CDKAL1: variants seen among roughly 807,000 people sequenced by gnomAD.
The protein encoded by CDKAL1 is threonylcarbamoyladenosine tRNA methylthiotransferase.
A neutral mutation model predicts 68.2 loss-of-function variants in CDKAL1; 32 were observed. The observed-to-expected ratio is 0.47, with a 90% CI of 0.35 to 0.63. The LOEUF (loss-of-function observed/expected upper bound fraction) is 0.63. Ranked by LOEUF, CDKAL1 falls within the 30% of genes least tolerant of loss-of-function variation. The pLI is 0.00. For synonymous variants in CDKAL1, 234 were observed against 244.3 expected, an observed-to-expected ratio of 0.96 and a Z score of 0.39; for missense variants, 606 against 696.7, an observed-to-expected ratio of 0.87 and a Z score of 1.47.
chr6:20,854,336 G>T (rs952012988), intron 9 of CDKAL1, among the ~76,000 whole-genome samples: 4 of 152,144 alleles, frequency 2.6e-5, no homozygotes, highest in Non-Finnish European at 5.9e-5. Context: ...CTGTTATGCC[G>T]AAGTCTCTGA....
chr6:20,951,580 A>G (rs1263091201), intron 9 of CDKAL1, among the ~76,000 whole-genome samples: 2 of 152,132 alleles, frequency 1.3e-5, no homozygotes, highest in African/African-American at 4.8e-5. Flanking sequence ...GTAAGATGAT[A>G]ATGGAATCTC....
At chr6:21,040,003 A>C (rs1335001332) in intron 11 of CDKAL1, among the ~76,000 whole-genome samples, 1 of 152,148 alleles carries the variant, frequency 6.6e-6, no homozygotes, top group Non-Finnish European at 1.5e-5. Context: ...ATAAATGCAA[A>C]CTTTATTTTT....
chr6:20,626,183 T>C (rs1767424566), intron 4 of CDKAL1, among the ~76,000 whole-genome samples: 1 of 152,218 alleles, frequency 6.6e-6, no homozygotes, highest in Non-Finnish European at 1.5e-5. Flanking sequence ...TTATAACTTC[T>C]TTTTTTCCAA....
chr6:20,918,398 T>C (rs1472400118), intron 9 of CDKAL1, among the ~76,000 whole-genome samples: 3 of 152,230 alleles, frequency 2.0e-5, no homozygotes, highest in Non-Finnish European at 2.9e-5. Flanking sequence ...AAATGGTTAT[T>C]TTTAAAAAAG....
intron 11 of CDKAL1, among the ~76,000 whole-genome samples, chr6:21,005,871 A>G (rs1767698282): frequency 6.6e-6 from 1 of 152,160 alleles, no homozygotes; most frequent in African/African-American, 2.4e-5. Context: ...GTAAAGGGGA[A>G]TCTTTTGCAG....
intron 11 of CDKAL1, among the ~76,000 whole-genome samples, chr6:21,032,899 G>A (rs1413614263): frequency 6.6e-6 from 1 of 152,118 alleles, no homozygotes; most frequent in Non-Finnish European, 1.5e-5. Flanking sequence ...ATAATTCCTG[G>A]CCCATAGTAG....
intron 4 of CDKAL1, among the ~76,000 whole-genome samples, chr6:20,600,877 G>A (rs1766067054): frequency 6.6e-6 from 1 of 150,674 alleles, no homozygotes; most frequent in Non-Finnish European, 1.5e-5. Flanking sequence ...TGTATTTAAT[G>A]TATTAGATTT....
At chr6:21,038,677 T>G (rs528464901) in intron 11 of CDKAL1, among the ~76,000 whole-genome samples, 118 of 152,252 alleles carry the variant, frequency 7.8e-4, no homozygotes, top group Non-Finnish European at 1.2e-3. Flanking sequence ...TATGAGTTTT[T>G]TTGTGATTTT....
chr6:21,213,103 G>A (rs937172724), intron 15 of CDKAL1, among the ~76,000 whole-genome samples: 2 of 148,034 alleles, frequency 1.4e-5, no homozygotes, highest in Non-Finnish European at 3.0e-5. Flanking sequence ...TAGCCCTTAC[G>A]CACATCAGGT....
At chr6:21,217,604 TCTC>T (rs1286977763) in intron 15 of CDKAL1, among the ~76,000 whole-genome samples, 17 of 151,840 alleles carry the variant, frequency 1.1e-4, no homozygotes, top group African/African-American at 3.6e-4. Context: ...TTCAAGCAAT[TCTC>T]CTGCCTCAGC....
intron 4 of CDKAL1, among the ~76,000 whole-genome samples, chr6:20,598,034 C>T (rs766210025): frequency 3.9e-5 from 6 of 152,198 alleles, no homozygotes; most frequent in Non-Finnish European, 7.3e-5. Flanking sequence ...GTTATTCCCT[C>T]CTCTCTGTCC....
chr6:20,629,942 C>T (rs1316171079), intron 4 of CDKAL1, among the ~76,000 whole-genome samples: 1 of 152,100 alleles, frequency 6.6e-6, no homozygotes, highest in Non-Finnish European at 1.5e-5. Flanking sequence ...CAGCCTCTGC[C>T]TCCTGGATTC....
At chr6:20,849,621 T>A (rs963685030) in intron 9 of CDKAL1, among the ~76,000 whole-genome samples, 3 of 151,530 alleles carry the variant, frequency 2.0e-5, no homozygotes, top group Non-Finnish European at 4.4e-5. Context: ...GAAGAAATAT[T>A]ACTTAAACTA....
intron 5 of CDKAL1, among the ~76,000 whole-genome samples, chr6:20,720,092 GA>G (rs1266210251): frequency 6.6e-6 from 1 of 152,076 alleles, no homozygotes; most frequent in Non-Finnish European, 1.5e-5. Context: ...GTTCTCTGAG[GA>G]TTGGCTTCCT....
intron 4 of CDKAL1, among the ~76,000 whole-genome samples, chr6:20,603,301 T>C (rs190163721): frequency 9.8e-5 from 15 of 152,304 alleles, no homozygotes; most frequent in African/African-American, 7.2e-5. Flanking sequence ...TTTCCCATCA[T>C]GAATTGGCTG....
intron 13 of CDKAL1, among the ~76,000 whole-genome samples, chr6:21,149,180 C>A (rs1437743774): frequency 2.6e-5 from 4 of 151,950 alleles, no homozygotes; most frequent in African/African-American, 9.7e-5. Flanking sequence ...CACTCTGTTG[C>A]CCAGGCTGGA....
intron 11 of CDKAL1, among the ~76,000 whole-genome samples, chr6:21,036,397 A>C (rs140084086): frequency 1.0e-3 from 153 of 152,262 alleles, no homozygotes; most frequent in African/African-American, 3.6e-3. Flanking sequence ...CTACTAAACC[A>C]TCAAAGTATG....
chr6:20,911,921 G>T (rs1332728654), intron 9 of CDKAL1, among the ~76,000 whole-genome samples: 2 of 152,172 alleles, frequency 1.3e-5, no homozygotes, highest in Non-Finnish European at 2.9e-5. Flanking sequence ...TGGCTCATGA[G>T]ATTTATTATT....
At chr6:21,116,248 G>A (rs73383740) in intron 13 of CDKAL1, among the ~76,000 whole-genome samples, 1,935 of 152,038 alleles carry the variant, frequency 0.013, 34 homozygotes, top group African/African-American at 0.043. Flanking sequence ...GCAGAAATTC[G>A]GTGCGCTTAA....
Sources: allele counts gnomAD v4.1 joint callset (sites outside exome capture counted in the v4.1 genomes callset), GRCh38; gene constraint gnomAD v4.1.1; transcripts MANE v1.5; gene names NCBI Gene and HGNC (gene_info 2026-07-23, HGNC 2026-07-21).